Variants in INVS observed in about 807,000 individuals in gnomAD.
INVS encodes inversion of embryo turning homolog.
Under a neutral mutation model 108.8 loss-of-function variants are expected in INVS, and 86 were observed. That is an observed-to-expected ratio of 0.79 (90% CI 0.66 to 0.95). The LOEUF (loss-of-function observed/expected upper bound fraction) is 0.95. Ranked by LOEUF, INVS falls within the 40% of genes least tolerant of loss-of-function variation. INVS has a pLI of 0.00. For missense variants in INVS, 1,169 were observed against 1,297.4 expected, an observed-to-expected ratio of 0.90 and a Z score of 1.52; for synonymous variants, 455 against 473.5, an observed-to-expected ratio of 0.96 and a Z score of 0.51.
intron 2 of INVS, among the ~76,000 whole-genome samples, chr9:100,109,962 C>T (rs1311448193): frequency 5.9e-5 from 9 of 152,214 alleles, no homozygotes; most frequent in African/African-American, 1.7e-4. Context: ...CCACTGCGCC[C>T]GGCCTCTACT....
At chr9:100,222,933 A>G (rs1055069679) in intron 3 of INVS, among the ~76,000 whole-genome samples, 3 of 151,976 alleles carry the variant, frequency 2.0e-5, no homozygotes, top group African/African-American at 7.2e-5. Context: ...ATGAAATGAC[A>G]AGTCCAGATA....
At chr9:100,213,745 A>C (rs150551772) in intron 3 of INVS, among the ~76,000 whole-genome samples, 49 of 152,288 alleles carry the variant, frequency 3.2e-4, no homozygotes, top group Non-Finnish European at 4.4e-4. Context: ...GAGGCTGCAC[A>C]CAGTGGGTTT....
intron 3 of INVS, among the ~76,000 whole-genome samples, chr9:100,140,522 G>T (rs185268316): frequency 6.6e-6 from 1 of 152,114 alleles, no homozygotes; most frequent in Non-Finnish European, 1.5e-5. Context: ...GGCAGGAACC[G>T]GCCATCTGGA....
At position 100,246,641 on chromosome 9, in the gene INVS, A is replaced by T; in HGVS notation, c.932A>T (p.His311Leu). 6.2e-7 allele frequency: 1 copy of T among 1,613,952 alleles called. No individual in the cohort carries two copies. The highest frequency in any genetic ancestry group is 1.3e-5 in the African/African-American group (1 of 75,062). ...FAETVKVFLK[H>L]PSVKDDSDLE... ...GAAACGGTTAAAGTGTTTTTAAAAC[A>T]TCCTTCAGTGAAAGATGATTCAGAC... The change falls in exon 8 of 17, where the codon CAT (histidine) becomes CTT (leucine). Residue 311 changes from histidine to leucine, a missense_variant. Around this residue, in one of 3 missense-constraint regions of INVS, gnomAD observed 365 missense variants for 397.5 expected, o/e 0.92. Transcript: ENST00000262457.
rs1491189219 is a variant in INVS at position 100,100,820 on chromosome 9, A to AC, written c.-25+1404_-25+1405insC. On this transcript the variant is annotated intron_variant, in intron 1 of 16. Coordinates refer to ENST00000262457, the MANE Select transcript of INVS (RefSeq NM_014425.5). ...TAATATATGTATATATAATATATAT[A>AC]ATATATGTATATATAATATATATAT... Among the ~76,000 whole-genome samples the AC allele has an allele frequency of 1.5e-4, 2 of 13,442 alleles. 1 individual carries two copies. Among genetic ancestry groups the AC allele is most frequent in the Non-Finnish European group, 2.2e-4 (2 of 8,988 alleles). 8.8% of individuals were successfully genotyped at this position (13,442 alleles called of 152,430 possible). A position where few individuals can be genotyped will look rare whatever the true frequency, so the allele number is the denominator to read the frequency against.
chr9:100,290,631 C>A (rs1179063087), intron 13 of INVS, among the ~76,000 whole-genome samples: 1 of 152,182 alleles, frequency 6.6e-6, no homozygotes, highest in African/African-American at 2.4e-5. Context: ...GGATTACAGG[C>A]GTGAGCCATC....
rs140301684 is a variant in INVS at position 100,203,178 on chromosome 9, T to C, written c.274-22884T>C. Among the ~76,000 whole-genome samples, 357 of 152,330 alleles carry C rather than the reference T, an allele frequency of 2.3e-3. 1 individual carries two copies. Among genetic ancestry groups the C allele is most frequent in the African/African-American group, 8.3e-3 (344 of 41,568 alleles). On this transcript the variant is annotated intron_variant, in intron 3 of 16. Coordinates refer to ENST00000262457, the MANE Select transcript of INVS (RefSeq NM_014425.5). ...ATTGTGAAGCACATACCAGTTACTTTTGATAAAGTAGCTTGAAAGAACTCT... is the reference window on the plus strand; with the variant it reads ...ATTGTGAAGCACATACCAGTTACTTCTGATAAAGTAGCTTGAAAGAACTCT...
At chr9:100,182,811 G>A (rs7872014) in intron 3 of INVS, among the ~76,000 whole-genome samples, 3 of 151,822 alleles carry the variant, frequency 2.0e-5, no homozygotes, top group South Asian at 2.1e-4. Context: ...ATCATTCTAC[G>A]ATAAAGACAC....
At chr9:100,175,980 C>A (rs1588062710) in intron 3 of INVS, 2 of 556,674 alleles carry the variant, frequency 3.6e-6, no homozygotes, top group African/African-American at 3.8e-5. Flanking sequence ...CAGCAGACCA[C>A]TAGGTATTTT....
intron 3 of INVS, among the ~76,000 whole-genome samples, chr9:100,180,203 G>A (rs141795263): frequency 0.011 from 1,652 of 152,024 alleles, 16 homozygotes; most frequent in African/African-American, 0.016. Context: ...ATCTAAAATC[G>A]ACACCCTAAC....
intron 2 of INVS, chr9:100,117,453 T>C (rs1406114107): frequency 3.8e-6 from 3 of 789,786 alleles, no homozygotes; most frequent in Non-Finnish European, 4.5e-6. Flanking sequence ...GTGACGGGCA[T>C]GCACTCCTTA....
intron 10 of INVS, among the ~76,000 whole-genome samples, chr9:100,256,283 C>T (rs899780398): frequency 6.6e-6 from 1 of 151,880 alleles, no homozygotes; most frequent in Non-Finnish European, 1.5e-5. Context: ...TTTTTTATTG[C>T]ATCTATTTGA....
In INVS at chr9:100,226,096, G is replaced by T. The variant is rs758802357; in HGVS notation, c.308G>T (p.Arg103Leu). The T allele has an allele frequency of 6.2e-6, 10 of 1,613,186 alleles. No individual in the cohort carries two copies. In the Admixed American group the frequency reaches 6.7e-5, roughly 11 times the overall value. ...NYRFMKLLLT[R>L]RANWMQKDLE... ...CGTTTCATGAAACTCTTACTTACAC[G>T]CAGAGCAAACTGGATGCAAAAGGAT... Residue 103 changes from arginine (R) to leucine (L), a missense_variant, in exon 4 of 17, where the codon CGC becomes CTC. Transcript: ENST00000262457.
intron 1 of INVS, among the ~76,000 whole-genome samples, chr9:100,102,350 C>T (rs1208719776): frequency 6.6e-6 from 1 of 152,124 alleles, no homozygotes; most frequent in Non-Finnish European, 1.5e-5. Flanking sequence ...TTAAAAGGTT[C>T]TTACAAGCTC....
chr9:100,284,425 G>A lies in INVS; in HGVS notation c.1890G>A (p.Gln630=). 1 of 1,614,178 alleles carries A rather than the reference G, an allele frequency of 6.2e-7. No homozygotes were observed. The highest frequency in any genetic ancestry group is 8.5e-7 in the Non-Finnish European group (1 of 1,180,044). Reference sequence around the variant, plus strand: ...CCCTTCCCTGTCTGCCTAGCACCCAGGATGTGCCCAGCAGGCAGAGCCGGG... The same window carrying A: ...CCCTTCCCTGTCTGCCTAGCACCCAAGATGTGCCCAGCAGGCAGAGCCGGG... ...PQALPCLPST[Q]DVPSRQSRAP... is the part of the protein sequence containing the mutation. Residue 630 remains glutamine, a synonymous_variant, in exon 13 of 17, where the codon CAG becomes CAA. Transcript: ENST00000262457.
Position 100,301,619 on chromosome 9 carries a change from T to A in INVS, c.*945T>A, listed in dbSNP as rs1833971970. ...TAAAATCCAGTGATGATGGGCTCTT[T>A]CACATTGTTTAAGGGGAAAGCTGCT... is the stretch of plus-strand genomic sequence containing the variant. On this transcript the variant is annotated 3_prime_UTR_variant, in exon 17 of 17. Coordinates refer to ENST00000262457, the MANE Select transcript of INVS (RefSeq NM_014425.5). Among the ~76,000 whole-genome samples, 1 of 152,216 alleles carries A rather than the reference T, an allele frequency of 6.6e-6. No homozygotes were observed. Among genetic ancestry groups the A allele is most frequent in the Non-Finnish European group, 1.5e-5 (1 of 68,040 alleles).
intron 3 of INVS, among the ~76,000 whole-genome samples, chr9:100,171,810 C>T (rs1417910803): frequency 7.2e-5 from 11 of 152,062 alleles, no homozygotes; most frequent in Non-Finnish European, 1.5e-5. Flanking sequence ...TTTCTTTTCT[C>T]TGATGTATAT....
chr9:100,147,466 A>AT (rs1420774493), intron 3 of INVS, among the ~76,000 whole-genome samples: 1 of 152,108 alleles, frequency 6.6e-6, no homozygotes, highest in Admixed American at 6.6e-5. Context: ...GTGCTAAAAT[A>AT]TTTTTTCTCA....
chr9:100,287,482 C>T (rs1833483116), intron 13 of INVS, among the ~76,000 whole-genome samples: 1 of 152,172 alleles, frequency 6.6e-6, no homozygotes, highest in African/African-American at 2.4e-5. Flanking sequence ...ACATTCCTCC[C>T]ACATGCAAGA....
Sources: gnomAD v4.1 joint callset for allele counts (sites outside exome capture counted in the v4.1 genomes callset) on GRCh38, gnomAD v4.1.1 for gene constraint, gnomAD v4.1.1 regional missense constraint, MANE v1.5 for transcripts, NCBI Gene and HGNC (gene_info 2026-07-23, HGNC 2026-07-21) for gene names.